The following LANCL1 variants were observed in gnomAD, a reference collection of about 807,000 sequenced individuals.
LANCL1 encodes the protein glutathione S-transferase LANCL1.
A neutral mutation model predicts 50.6 loss-of-function variants in LANCL1; 50 were observed. The observed-to-expected ratio is 0.99, with a 90% CI of 0.79 to 1.25. The LOEUF is 1.25. Ranked by LOEUF, LANCL1 falls within the 50% of genes most tolerant of loss-of-function variation. The probability of loss-of-function intolerance (pLI) is 0.00; values close to 1 mark genes in which losing one functional copy is unlikely to be tolerated. For missense variants in LANCL1, 532 were observed against 480.7 expected, an observed-to-expected ratio of 1.11 and a Z score of -1.00; for synonymous variants, 188 against 178.6, an observed-to-expected ratio of 1.05 and a Z score of -0.42.
chr2:210,445,552 C>T (rs573861704), intron 4 of LANCL1, among the ~76,000 whole-genome samples: 332 of 152,088 alleles, frequency 2.2e-3, no homozygotes, highest in African/African-American at 7.6e-3. Flanking sequence ...TAGGACTTAA[C>T]TGCAAGTTGT....
intron 9 of LANCL1, among the ~76,000 whole-genome samples, chr2:210,435,112 C>T (rs1692880590): frequency 1.3e-5 from 2 of 152,030 alleles, no homozygotes; most frequent in Non-Finnish European, 2.9e-5. Context: ...GGTAGTAGTG[C>T]CTGTATGTTT....
chr2:210,459,355 A>G (rs888563653), intron 3 of LANCL1, among the ~76,000 whole-genome samples: 2 of 151,868 alleles, frequency 1.3e-5, no homozygotes, highest in Non-Finnish European at 1.5e-5. Context: ...AAGAAAACAT[A>G]GAAGAAAATC....
chr2:210,475,919 C>T (rs1694347205), intron 2 of LANCL1, among the ~76,000 whole-genome samples: 2 of 152,202 alleles, frequency 1.3e-5, no homozygotes, highest in Non-Finnish European at 2.9e-5. Flanking sequence ...CCACCGTTTG[C>T]TCTCATCATT....
chr2:210,460,455 T>C (rs545069865), intron 3 of LANCL1: 5 of 152,348 alleles, frequency 3.3e-5, no homozygotes, highest in Admixed American at 6.5e-5. Context: ...TCATCAATTA[T>C]TATGTTTTCT....
chr2:210,450,678 C>T (rs1213785798), intron 4 of LANCL1, among the ~76,000 whole-genome samples: 1 of 152,076 alleles, frequency 6.6e-6, no homozygotes, highest in Non-Finnish European at 1.5e-5. Flanking sequence ...AAGATATGAA[C>T]AGATACTTCT....
chr2:210,458,791 T>C (rs1346591861), intron 3 of LANCL1, among the ~76,000 whole-genome samples: 1 of 152,220 alleles, frequency 6.6e-6, no homozygotes, highest in Non-Finnish European at 1.5e-5. Context: ...TTCCCAAATA[T>C]GATTCTATTC....
At position 210,472,093 on chromosome 2, in the gene LANCL1, AACAAG is replaced by A; in HGVS notation, c.82-22_82-18del. On this transcript the variant is annotated intron_variant, in intron 2 of 9. Transcript: ENST00000450366. ...AGGAGTCAGCTAGATATTAAAGGAA[AACAAG>A]TATCAAAATAATGTGGGTCACCCAG... 1 of 1,550,694 alleles carries A rather than the reference AACAAG, an allele frequency of 6.4e-7. No homozygotes were observed. The highest frequency in any genetic ancestry group is 1.1e-5 in the South Asian group (1 of 89,822).
intron 4 of LANCL1, among the ~76,000 whole-genome samples, chr2:210,445,483 C>CT (rs1263942120): frequency 6.6e-6 from 1 of 151,992 alleles, no homozygotes; most frequent in Non-Finnish European, 1.5e-5. Context: ...AAGCATATCC[C>CT]TTTTTTTCTG....
chr2:210,439,850 G>A (rs1693067789), intron 6 of LANCL1, among the ~76,000 whole-genome samples: 1 of 152,124 alleles, frequency 6.6e-6, no homozygotes, highest in African/African-American at 2.4e-5. Context: ...GCCACAGTGT[G>A]CCTTGGGAAG....
intron 3 of LANCL1, among the ~76,000 whole-genome samples, chr2:210,466,577 G>C (rs530831461): frequency 1.3e-5 from 2 of 152,140 alleles, no homozygotes; most frequent in Non-Finnish European, 2.9e-5. Context: ...TGGGTCTCTG[G>C]AGTAGCAGTG....
At chr2:210,455,687 G>T (rs569404219) in intron 3 of LANCL1, among the ~76,000 whole-genome samples, 2 of 152,100 alleles carry the variant, frequency 1.3e-5, no homozygotes, top group African/African-American at 4.8e-5. Context: ...CCAAATAAAT[G>T]TAATTGATTT....
chr2:210,440,766 A>G, intron 5 of LANCL1, 22 bp from the exon 6 acceptor site: 1 of 1,604,744 alleles, frequency 6.2e-7, no homozygotes, highest in Non-Finnish European at 8.5e-7. Context: ...AAACCAACCA[A>G]AATAACAAGT....
intron 4 of LANCL1, among the ~76,000 whole-genome samples, chr2:210,450,078 C>G (rs1693466865): frequency 6.6e-6 from 1 of 152,160 alleles, no homozygotes; most frequent in African/African-American, 2.4e-5. Flanking sequence ...CATCATGCTA[C>G]CTGACTTCAA....
intron 2 of LANCL1, among the ~76,000 whole-genome samples, chr2:210,475,472 C>A (rs1312293402): frequency 6.6e-6 from 1 of 152,132 alleles, no homozygotes; most frequent in Non-Finnish European, 1.5e-5. Flanking sequence ...GCTGGGACTA[C>A]AAGCTTTCCA....
intron 4 of LANCL1, among the ~76,000 whole-genome samples, chr2:210,447,990 C>G (rs910995777): frequency 6.6e-6 from 1 of 152,172 alleles, no homozygotes; most frequent in African/African-American, 2.4e-5. Context: ...AAACTCAGCT[C>G]TGGACCAAGC....
chr2:210,434,582 G>T lies in LANCL1; in HGVS notation c.1124-19C>A. On this transcript the variant is annotated intron_variant, in intron 9 of 9. Coordinates refer to ENST00000450366, the MANE Select transcript of LANCL1 (RefSeq NM_006055.3). ...GCCATTCCTGAAGAAAGAGAAAGAG[G>T]CAAAAGTTATTATACCAAATGACTC... The T allele has an allele frequency of 1.3e-6, 2 of 1,598,876 alleles. No homozygotes were observed. Among genetic ancestry groups the T allele is most frequent in the Non-Finnish European group, 1.7e-6 (2 of 1,167,232 alleles).
chr2:210,448,487 G>T (rs546456365), intron 4 of LANCL1, among the ~76,000 whole-genome samples: 1 of 151,998 alleles, frequency 6.6e-6, no homozygotes, highest in Non-Finnish European at 1.5e-5. Flanking sequence ...CAGAAGACAA[G>T]AAATAAGTAA....
intron 3 of LANCL1, 123 bp from the exon 4 acceptor site, chr2:210,455,437 A>T (rs906343892): frequency 1.3e-6 from 1 of 774,860 alleles, no homozygotes; most frequent in Non-Finnish European, 2.0e-6. Context: ...ATGATCTGGA[A>T]GTTTGGGTGA....
Position 210,431,878 on chromosome 2 carries a change from T to G in LANCL1, c.*2609A>C, listed in dbSNP as rs1435017844. Reference sequence around the variant, plus strand: ...TGTTAACTTTTTACATGATGAAAAGTTAACTATTTGCAATTTCTAAATTAC... The same window carrying G: ...TGTTAACTTTTTACATGATGAAAAGGTAACTATTTGCAATTTCTAAATTAC... On this transcript the variant is annotated 3_prime_UTR_variant, in exon 10 of 10. Coordinates refer to ENST00000450366, the MANE Select transcript of LANCL1 (RefSeq NM_006055.3). The G allele has an allele frequency of 6.6e-6, 1 of 152,188 alleles. No individual in the cohort carries two copies. The highest frequency in any genetic ancestry group is 2.4e-5 in the African/African-American group (1 of 41,450). The allele number at this position is 152,188 out of a possible 1,614,324, so 9.4% of individuals were successfully genotyped here.
Sources: gnomAD v4.1 joint callset for allele counts (sites outside exome capture counted in the v4.1 genomes callset) on GRCh38, gnomAD v4.1.1 for gene constraint, MANE v1.5 for transcripts, NCBI Gene and HGNC (gene_info 2026-07-23, HGNC 2026-07-21) for gene names.